The following MAST4 variants were observed in gnomAD, a reference collection of about 807,000 sequenced individuals.
MAST4 encodes the protein microtubule associated serine/threonine kinase family member 4.
In MAST4, 89 loss-of-function variants were observed where a neutral mutation model predicts 162.7. The observed-to-expected ratio is 0.55, with a 90% CI of 0.46 to 0.65. The LOEUF (loss-of-function observed/expected upper bound fraction) is 0.65. Ranked by LOEUF, MAST4 falls within the 30% of genes least tolerant of loss-of-function variation. The probability of loss-of-function intolerance (pLI) is 0.00; values close to 1 mark genes in which losing one functional copy is unlikely to be tolerated. For missense variants in MAST4, 3,153 were observed against 3,374.0 expected (o/e 0.93, Z 1.62); for synonymous variants, 1,479 against 1,361.1 (o/e 1.09, Z -1.91).
intron 1 of MAST4, among the ~76,000 whole-genome samples, chr5:66,740,571 A>G (rs918989905): frequency 3.9e-5 from 6 of 152,132 alleles, no homozygotes; most frequent in African/African-American, 7.2e-5. Context: ...TCTCCCATCC[A>G]TCAGTCTTCC....
chr5:67,142,917 T>A (rs529834946), intron 21 of MAST4: 1 of 169,672 alleles, frequency 5.9e-6, no homozygotes, highest in South Asian at 1.6e-4. Context: ...TGACTGCTAC[T>A]TATATGATGA....
intron 4 of MAST4, among the ~76,000 whole-genome samples, chr5:66,908,957 A>T (rs1329451199): frequency 6.6e-6 from 1 of 152,236 alleles, no homozygotes; most frequent in Non-Finnish European, 1.5e-5. Context: ...TAAAGTGTTT[A>T]TGACAGTACC....
intron 4 of MAST4, among the ~76,000 whole-genome samples, chr5:66,993,170 A>G (rs569654992): frequency 6.6e-6 from 1 of 152,244 alleles, no homozygotes; most frequent in Non-Finnish European, 1.5e-5. Context: ...CATTACGAAG[A>G]TTGTCAATAA....
chr5:67,116,437 C>T (rs1288469769), intron 12 of MAST4, among the ~76,000 whole-genome samples: 1 of 151,156 alleles, frequency 6.6e-6, no homozygotes, highest in African/African-American at 2.4e-5. Flanking sequence ...AACTCCTAAC[C>T]TCAGGTGATC....
chr5:66,817,533 A>G (rs984745429), intron 3 of MAST4, among the ~76,000 whole-genome samples: 8 of 152,204 alleles, frequency 5.3e-5, no homozygotes, highest in Non-Finnish European at 1.2e-4. Context: ...ATTTCTAACA[A>G]AATAATTCCC....
At chr5:67,056,043 A>G (rs1291270564) in intron 5 of MAST4, among the ~76,000 whole-genome samples, 2 of 149,320 alleles carry the variant, frequency 1.3e-5, no homozygotes, top group Non-Finnish European at 3.0e-5. Context: ...TATATATCCT[A>G]TAATATGATT....
chr5:66,720,239 A>C (rs2149537056), intron 1 of MAST4, among the ~76,000 whole-genome samples: 1 of 152,152 alleles, frequency 6.6e-6, no homozygotes, highest in South Asian at 2.1e-4. Flanking sequence ...AATTTTTTGA[A>C]GTTTTGATAC....
intron 1 of MAST4, among the ~76,000 whole-genome samples, chr5:66,697,776 T>C (rs1215344348): frequency 6.6e-6 from 1 of 152,202 alleles, no homozygotes; most frequent in African/African-American, 2.4e-5. Flanking sequence ...CAGGGCGAAC[T>C]AATGTTTTTT....
At chr5:66,644,988 G>C (rs554027611) in intron 1 of MAST4, among the ~76,000 whole-genome samples, 1 of 151,990 alleles carries the variant, frequency 6.6e-6, no homozygotes, top group East Asian at 1.9e-4. Context: ...TGGGGTCAGT[G>C]GATGAGCTTC....
At chr5:67,073,273 A>G (rs989568800) in intron 5 of MAST4, among the ~76,000 whole-genome samples, 1 of 152,174 alleles carries the variant, frequency 6.6e-6, no homozygotes, top group African/African-American at 2.4e-5. Context: ...CCCAAAAGGA[A>G]TGCCTCTACT....
intron 4 of MAST4, among the ~76,000 whole-genome samples, chr5:66,936,954 C>T (rs1454114368): frequency 3.3e-5 from 5 of 152,196 alleles, no homozygotes; most frequent in African/African-American, 9.6e-5. Flanking sequence ...GCCCTCTCTC[C>T]TCCTCACTAC....
chr5:66,775,219 G>A (rs920139682), intron 2 of MAST4, among the ~76,000 whole-genome samples: 13 of 152,110 alleles, frequency 8.5e-5, no homozygotes, highest in Non-Finnish European at 1.6e-4. Flanking sequence ...TAATGAAATG[G>A]CTAGAAGAAA....
chr5:66,997,426 CT>C (rs982930381), intron 4 of MAST4, among the ~76,000 whole-genome samples: 6 of 145,384 alleles, frequency 4.1e-5, no homozygotes, highest in African/African-American at 1.3e-4. Flanking sequence ...TGTTTTTTTT[CT>C]TTTCTCTTTT....
intron 14 of MAST4, 67 bp downstream of exon 14, chr5:67,121,169 AT>A (rs1176099247): frequency 4.7e-6 from 6 of 1,282,736 alleles, no homozygotes; most frequent in Non-Finnish European, 4.4e-6. Flanking sequence ...TATTCTTAAC[AT>A]TTATCTAAGG....
chr5:67,144,547 G>A, intron 21 of MAST4, 122 bp from the exon 22 acceptor site: 1 of 996,880 alleles, frequency 1.0e-6, no homozygotes, highest in Non-Finnish European at 1.5e-6. Context: ...AGTACTTTCT[G>A]AATACACAAT....
chr5:66,762,095 G>T (rs1449790405), intron 2 of MAST4, among the ~76,000 whole-genome samples: 1 of 152,058 alleles, frequency 6.6e-6, no homozygotes, highest in Non-Finnish European at 1.5e-5. Context: ...ATGAAATTTG[G>T]CCTTTAGCTT....
intron 1 of MAST4, among the ~76,000 whole-genome samples, chr5:66,677,116 A>G (rs374264965): frequency 9.2e-5 from 14 of 152,326 alleles, no homozygotes; most frequent in Admixed American, 4.6e-4. Flanking sequence ...TGGCACAAAT[A>G]CCTGGAATGG....
At chr5:67,067,930 C>G (rs537089161) in intron 5 of MAST4, among the ~76,000 whole-genome samples, 1 of 152,280 alleles carries the variant, frequency 6.6e-6, no homozygotes, top group Non-Finnish European at 1.5e-5. Flanking sequence ...TCGGTGTACA[C>G]ACACATACAC....
chr5:67,149,656 T>C, intron 24 of MAST4, 67 bp downstream of exon 24: 1 of 1,477,880 alleles, frequency 6.8e-7, no homozygotes, highest in Non-Finnish European at 9.4e-7. Flanking sequence ...CCTCTCCCAA[T>C]TTGGAATGCT....
Sources: allele counts gnomAD v4.1 joint callset (sites outside exome capture counted in the v4.1 genomes callset), GRCh38; gene constraint gnomAD v4.1.1; transcripts MANE v1.5; gene names NCBI Gene and HGNC (gene_info 2026-07-23, HGNC 2026-07-21).